The following ATF6 variants were observed in gnomAD, a reference collection of about 807,000 sequenced individuals.
ATF6 encodes the protein activating transcription factor 6.
In ATF6, 53 loss-of-function variants were observed where a neutral mutation model predicts 83.6. That is an observed-to-expected ratio of 0.63 (90% CI 0.51 to 0.80). The LOEUF (loss-of-function observed/expected upper bound fraction) is 0.80. Ranked by LOEUF, ATF6 falls within the 30% of genes least tolerant of loss-of-function variation. The pLI, the probability that ATF6 is intolerant of heterozygous loss-of-function variation, is 0.00. For missense variants in ATF6, 744 were observed against 797.9 expected (o/e 0.93, Z 0.81); for synonymous variants, 288 against 285.8 (o/e 1.01, Z -0.08).
intron 14 of ATF6, among the ~76,000 whole-genome samples, chr1:161,905,359 A>G (rs1471480154): frequency 6.6e-6 from 1 of 152,160 alleles, no homozygotes; most frequent in Admixed American, 6.5e-5. Context: ...TGATTCTCCT[A>G]TATATCTATG....
chr1:161,921,661 A>T (rs1386826344), intron 15 of ATF6, among the ~76,000 whole-genome samples: 1 of 152,174 alleles, frequency 6.6e-6, no homozygotes, highest in Admixed American at 6.5e-5. Context: ...TGTGAGATTT[A>T]TGCATCTTGA....
chr1:161,845,227 T>A (rs550814948), intron 9 of ATF6, among the ~76,000 whole-genome samples: 15 of 152,288 alleles, frequency 9.8e-5, no homozygotes, highest in Admixed American at 3.3e-4. Flanking sequence ...CAAACTACTA[T>A]TATCTCAAAG....
At chr1:161,852,621 A>G (rs1370043038) in intron 11 of ATF6, among the ~76,000 whole-genome samples, 1 of 151,912 alleles carries the variant, frequency 6.6e-6, no homozygotes, top group African/African-American at 2.4e-5. Flanking sequence ...GTTTTATTTT[A>G]TTTTATTTTT....
At chr1:161,821,963 A>G (rs1285954602) in intron 9 of ATF6, among the ~76,000 whole-genome samples, 2 of 152,168 alleles carry the variant, frequency 1.3e-5, no homozygotes, top group Admixed American at 6.6e-5. Flanking sequence ...TAACTGGTAT[A>G]ATGTGGGACA....
intron 15 of ATF6, among the ~76,000 whole-genome samples, chr1:161,947,150 G>A (rs932565036): frequency 3.3e-5 from 5 of 152,228 alleles, no homozygotes; most frequent in African/African-American, 1.2e-4. Flanking sequence ...CTATGGGAAC[G>A]ATACAAGGAT....
chr1:161,894,521 CTTTTTTTTTTTTTTTTTTTT>C (rs71093131), intron 14 of ATF6, among the ~76,000 whole-genome samples: 3 of 44,866 alleles, frequency 6.7e-5, no homozygotes, highest in Non-Finnish European at 1.3e-4. Context: ...GTTTTGTAGT[CTTTTTTTTTTTTTTTTTTTT>C]TTTTTTTTTT....
At chr1:161,848,581 A>G (rs932973218) in intron 10 of ATF6, among the ~76,000 whole-genome samples, 4 of 152,086 alleles carry the variant, frequency 2.6e-5, no homozygotes, top group African/African-American at 9.7e-5. Flanking sequence ...TCAAACTGGG[A>G]CACTCTTAAG....
intron 14 of ATF6, among the ~76,000 whole-genome samples, chr1:161,896,066 C>T (rs1187888774): frequency 2.0e-5 from 3 of 152,194 alleles, no homozygotes; most frequent in African/African-American, 7.2e-5. Context: ...TCACCTTGAA[C>T]TGAAATTATC....
chr1:161,800,946 C>T (rs1685129573), intron 6 of ATF6, among the ~76,000 whole-genome samples: 1 of 152,158 alleles, frequency 6.6e-6, no homozygotes, highest in African/African-American at 2.4e-5. Flanking sequence ...AGGCCCATCA[C>T]ACATTTTTAC....
chr1:161,775,213 C>G (rs576396545), intron 1 of ATF6, among the ~76,000 whole-genome samples: 15 of 152,302 alleles, frequency 9.8e-5, no homozygotes, highest in African/African-American at 2.9e-4. Flanking sequence ...GTGATATAGT[C>G]ACATGATCAC....
At chr1:161,901,281 C>T (rs190101575) in intron 14 of ATF6, among the ~76,000 whole-genome samples, 18 of 151,410 alleles carry the variant, frequency 1.2e-4, no homozygotes, top group South Asian at 8.3e-4. Context: ...AGTATAGTAC[C>T]CAACCAGTTA....
intron 6 of ATF6, among the ~76,000 whole-genome samples, chr1:161,795,233 G>A (rs1202410425): frequency 6.6e-6 from 1 of 152,114 alleles, no homozygotes; most frequent in Admixed American, 6.5e-5. Context: ...CAGTCACTGT[G>A]ATAACTAATA....
chr1:161,944,131 T>C (rs1259029589), intron 15 of ATF6, among the ~76,000 whole-genome samples: 1 of 152,326 alleles, frequency 6.6e-6, no homozygotes, highest in South Asian at 2.1e-4. Context: ...CTGATCCACA[T>C]GCAGTTTGGT....
intron 14 of ATF6, among the ~76,000 whole-genome samples, chr1:161,896,736 T>C (rs936776759): frequency 6.6e-6 from 1 of 152,216 alleles, no homozygotes; most frequent in Admixed American, 6.5e-5. Context: ...AAAAATAATA[T>C]TGCTTTGAAA....
chr1:161,866,425 A>G (rs1341781089), intron 14 of ATF6, among the ~76,000 whole-genome samples: 1 of 152,186 alleles, frequency 6.6e-6, no homozygotes, highest in African/African-American at 2.4e-5. Context: ...AGTTCCTGTT[A>G]TAGCTCAGCA....
chr1:161,796,763 A>C (rs530482094), intron 6 of ATF6, among the ~76,000 whole-genome samples: 9 of 152,204 alleles, frequency 5.9e-5, no homozygotes, highest in African/African-American at 1.9e-4. Flanking sequence ...TATATTCAGG[A>C]GCCTTTGGGG....
chr1:161,882,530 A>G (rs1047440289), intron 14 of ATF6, among the ~76,000 whole-genome samples: 15 of 152,132 alleles, frequency 9.9e-5, no homozygotes, highest in African/African-American at 3.4e-4. Flanking sequence ...TTATGCATGT[A>G]TACACATATA....
At chr1:161,896,125 G>C (rs971099686) in intron 14 of ATF6, among the ~76,000 whole-genome samples, 4 of 152,146 alleles carry the variant, frequency 2.6e-5, no homozygotes, top group Admixed American at 2.0e-4. Context: ...TCGATAGATA[G>C]ATGTATTTGT....
intron 14 of ATF6, among the ~76,000 whole-genome samples, chr1:161,878,817 A>G (rs1687270086): frequency 6.6e-6 from 1 of 152,188 alleles, no homozygotes; most frequent in Admixed American, 6.5e-5. Context: ...ACTTGACAAG[A>G]GCCTTTTAGT....
Sources: allele counts gnomAD v4.1 joint callset (sites outside exome capture counted in the v4.1 genomes callset), GRCh38; gene constraint gnomAD v4.1.1; transcripts MANE v1.5; gene names NCBI Gene and HGNC (gene_info 2026-07-23, HGNC 2026-07-21).